Variants in TENM2 observed in about 807,000 individuals in gnomAD.
TENM2 encodes the protein teneurin transmembrane protein 2, also known as teneurin-2.
In TENM2, 52 loss-of-function variants were observed where a neutral mutation model predicts 245.2. That is an observed-to-expected ratio of 0.21 (90% CI 0.17 to 0.27). The LOEUF is 0.27. Among genes scored for constraint, TENM2 ranks in the 10% least tolerant of loss-of-function variants. The pLI is 1.00. For synonymous variants in TENM2, 1,363 were observed against 1,438.9 expected (o/e 0.95, Z 1.19); for missense variants, 3,046 against 3,666.8 (o/e 0.83, Z 4.37).
At chr5:167,791,459 ATTATATAT>A (rs1764960744) in intron 2 of TENM2, among the ~76,000 whole-genome samples, 1 of 132,806 alleles carries the variant, frequency 7.5e-6, no homozygotes, top group Non-Finnish European at 1.6e-5. Flanking sequence ...TATTATATAG[ATTATATAT>A]TTATAATTTA....
the TENM2 span, among the ~76,000 whole-genome samples, chr5:167,079,880 A>G: frequency 0.026 from 3,932 of 152,292 alleles, 191 homozygotes; most frequent in African/African-American, 0.091. Context: ...CTGAGCCTTC[A>G]CATGAAAAGA....
chr5:167,405,403 A>T (rs73363539), intron 2 of TENM2, among the ~76,000 whole-genome samples: 4,333 of 152,186 alleles, frequency 0.028, 212 homozygotes, highest in African/African-American at 0.099. Flanking sequence ...GCATAAATGG[A>T]CAGCCCACAG....
intron 2 of TENM2, among the ~76,000 whole-genome samples, chr5:167,768,734 T>TA (rs1180318458): frequency 6.6e-6 from 1 of 152,184 alleles, no homozygotes; most frequent in Non-Finnish European, 1.5e-5. Context: ...ATGGGAACAT[T>TA]AGCCATGCCT....
intron 2 of TENM2, among the ~76,000 whole-genome samples, chr5:167,813,006 C>T (rs1385083979): frequency 6.6e-6 from 1 of 152,186 alleles, no homozygotes; most frequent in African/African-American, 2.4e-5. Context: ...AAGTTATACT[C>T]ATTTCCTTTC....
chr5:167,728,360 TG>T (rs1760174489), intron 2 of TENM2, among the ~76,000 whole-genome samples: 1 of 152,094 alleles, frequency 6.6e-6, no homozygotes, highest in Admixed American at 6.6e-5. Flanking sequence ...CCCAGCACTT[TG>T]GGCGTCTGAG....
chr5:167,893,102 T>C (rs1774894380), intron 3 of TENM2, among the ~76,000 whole-genome samples: 1 of 152,156 alleles, frequency 6.6e-6, no homozygotes, highest in Admixed American at 6.6e-5. Flanking sequence ...TGAGGTCTTT[T>C]TATTCTTCAT....
chr5:168,162,493 C>G, intron 12 of TENM2, 118 bp from the exon 15 acceptor site: 1 of 1,100,240 alleles, frequency 9.1e-7, no homozygotes, highest in Non-Finnish European at 1.3e-6. Context: ...GGCGCGGGCC[C>G]CACTGTGAGG....
At chr5:167,654,370 A>AG (rs1387983923) in intron 2 of TENM2, among the ~76,000 whole-genome samples, 2 of 152,180 alleles carry the variant, frequency 1.3e-5, no homozygotes, top group Admixed American at 6.5e-5. Context: ...ACTCACTTCC[A>AG]GGTGCCAAGT....
intron 2 of TENM2, among the ~76,000 whole-genome samples, chr5:167,802,257 C>T (rs572462572): frequency 1.3e-5 from 2 of 152,236 alleles, no homozygotes; most frequent in East Asian, 1.9e-4. Flanking sequence ...CAAAATATAG[C>T]AGTAAGTGAG....
intron 9 of TENM2, among the ~76,000 whole-genome samples, chr5:168,116,834 G>C (rs934806015): frequency 6.6e-6 from 1 of 152,108 alleles, no homozygotes; most frequent in Non-Finnish European, 1.5e-5. Flanking sequence ...GAGTGGCACA[G>C]GGCGCTCACC....
chr5:168,147,034 C>T (rs1581444695), intron 12 of TENM2, among the ~76,000 whole-genome samples: 1 of 152,364 alleles, frequency 6.6e-6, no homozygotes, highest in African/African-American at 2.4e-5. Flanking sequence ...CCAAAGAGTA[C>T]ACTAAATAAT....
the TENM2 span, among the ~76,000 whole-genome samples, chr5:167,134,760 C>T: frequency 6.6e-6 from 1 of 152,204 alleles, no homozygotes; most frequent in Non-Finnish European, 1.5e-5. Context: ...AAAGTATTAT[C>T]TTAGAACATA....
chr5:167,833,590 C>T (rs1768708948), intron 2 of TENM2, among the ~76,000 whole-genome samples: 1 of 152,210 alleles, frequency 6.6e-6, no homozygotes. Context: ...GCAGTCTTTG[C>T]GTAATCAGCG....
chr5:167,718,751 T>C (rs913053537), intron 2 of TENM2, among the ~76,000 whole-genome samples: 4 of 152,134 alleles, frequency 2.6e-5, no homozygotes, highest in Admixed American at 2.6e-4. Flanking sequence ...AAAGTCCAGT[T>C]TGAGTCAATA....
intron 2 of TENM2, among the ~76,000 whole-genome samples, chr5:167,445,926 C>T (rs932312245): frequency 6.6e-6 from 1 of 152,074 alleles, no homozygotes; most frequent in South Asian, 2.1e-4. Flanking sequence ...TGCTTATGTA[C>T]GTGCTAATTG....
chr5:167,961,145 G>A (rs1473500670), intron 4 of TENM2, among the ~76,000 whole-genome samples: 1 of 152,114 alleles, frequency 6.6e-6, no homozygotes, highest in Non-Finnish European at 1.5e-5. Context: ...TTCCTATTCG[G>A]CCATCTTGCC....
intron 2 of TENM2, among the ~76,000 whole-genome samples, chr5:167,591,452 C>A (rs1482416931): frequency 6.6e-6 from 1 of 152,180 alleles, no homozygotes; most frequent in Non-Finnish European, 1.5e-5. Flanking sequence ...ATCGGGCAGG[C>A]TTTCTTCCAA....
intron 13 of TENM2, among the ~76,000 whole-genome samples, chr5:168,169,252 G>A (rs1733062296): frequency 6.6e-6 from 1 of 152,210 alleles, no homozygotes; most frequent in Non-Finnish European, 1.5e-5. Flanking sequence ...ACCCGTGGTA[G>A]AGGCTCTTCA....
chr5:167,462,464 G>A (rs572802092), intron 2 of TENM2, among the ~76,000 whole-genome samples: 21 of 152,124 alleles, frequency 1.4e-4, no homozygotes, highest in Non-Finnish European at 2.6e-4. Context: ...CTTGTCCAGC[G>A]TCCAGGAAGA....
Sources: allele counts gnomAD v4.1 joint callset (sites outside exome capture counted in the v4.1 genomes callset), GRCh38; gene constraint gnomAD v4.1.1; transcripts MANE v1.5; gene names NCBI Gene and HGNC (gene_info 2026-07-23, HGNC 2026-07-21).